SYNE2: variants seen among roughly 807,000 people sequenced by gnomAD.
SYNE2 encodes spectrin repeat containing nuclear envelope protein 2, also known as nesprin-2.
SYNE2 carries 431 observed loss-of-function variants against 856.3 expected under a neutral mutation model. The ratio of observed to expected loss-of-function variants is 0.50; its 90% CI spans 0.47 to 0.55. The LOEUF (loss-of-function observed/expected upper bound fraction) is 0.55, where lower values mean the gene tolerates loss of function less well. Among genes scored for constraint, SYNE2 ranks in the 20% least tolerant of loss-of-function variants. SYNE2 has a pLI of 0.00. For missense variants in SYNE2, 8,129 were observed against 8,023.2 expected, an observed-to-expected ratio of 1.01 and a Z score of -0.50; for synonymous variants, 2,923 against 2,872.3, an observed-to-expected ratio of 1.02 and a Z score of -0.56.
At chr14:63,824,680 G>T (rs1889351873) in intron 1 of SYNE2, among the ~76,000 whole-genome samples, 1 of 150,378 alleles carries the variant, frequency 6.6e-6, no homozygotes. Flanking sequence ...TAATTGGATT[G>T]TTTGAAACAC....
chr14:64,174,067 A>C, intron 94 of SYNE2: 1 of 536,950 alleles, frequency 1.9e-6, no homozygotes. Context: ...TTGTCTCTTA[A>C]ATTTTTTTTT....
At chr14:64,174,070 T>A (rs2098423167) in intron 94 of SYNE2, 3 of 353,010 alleles carry the variant, frequency 8.5e-6, no homozygotes, top group South Asian at 4.7e-5. Context: ...TCTCTTAAAT[T>A]TTTTTTTTTT....
chr14:64,121,667 C>T (rs1251938833), intron 68 of SYNE2, among the ~76,000 whole-genome samples: 1 of 152,234 alleles, frequency 6.6e-6, no homozygotes, highest in African/African-American at 2.4e-5. Context: ...GCTGCTAACA[C>T]TGGGGACACC....
Position 64,031,265 on chromosome 14 carries a change from G to A in SYNE2, c.7129G>A (p.Gly2377Ser). ...TEKKGKFTLPGREKQATSDVQ... is the reference protein window; with the variant it reads ...TEKKGKFTLPSREKQATSDVQ... ...AAAGAAAGGAAAGTTTACTCTGCCA[G>A]GCAGAGAGAAGCAGGCCACTTCTGA... The change falls in exon 45 of 116, where the codon GGC (glycine) becomes AGC (serine). Residue 2377 changes from glycine (G) to serine (S), a missense_variant. By Grantham distance (56) the Gly-to-Ser change is moderately conservative. Transcript: ENST00000555002. 6.2e-7 allele frequency: 1 copy of A among 1,614,156 alleles called. No homozygotes were observed. Among genetic ancestry groups the A allele is most frequent in the Non-Finnish European group, 8.5e-7 (1 of 1,180,036 alleles).
Position 64,002,708 on chromosome 14 carries a change from T to A in SYNE2, c.3787-12T>A, listed in dbSNP as rs1321975749. 5 of 1,610,584 alleles carry A rather than the reference T, an allele frequency of 3.1e-6. No homozygotes were observed. In the Admixed American group the frequency reaches 6.7e-5, roughly 22 times the overall value. ...CACCTCAGTGTTTTAGCTTTTCTTA[T>A]CTTTATTTTAGAATATCCAAGATTC... On this transcript the variant is annotated splice_polypyrimidine_tract_variant and intron_variant, in intron 29 of 115. Coordinates refer to ENST00000555002, the MANE Select transcript of SYNE2 (RefSeq NM_182914.3).
Position 64,056,092 on chromosome 14 carries a change from G to A in SYNE2, c.9893G>A (p.Arg3298Gln), listed in dbSNP as rs770399154. The A allele has an allele frequency of 5.6e-6, 9 of 1,613,930 alleles. No individual in the cohort carries two copies. Among genetic ancestry groups the A allele is most frequent in the South Asian group, 1.1e-5 (1 of 91,076 alleles). ...GAAGAATCTTTAGAGATGCCTCTTC[G>A]AAAACAAGAGGAATTGGAATCCACA... ...NPEESLEMPL[R>Q]KQEELESTVA... The change falls in exon 49 of 116, where the codon CGA becomes CAA. Residue 3298 changes from arginine (R) to glutamine (Q), a missense_variant. Arg to Gln is a conservative substitution (Grantham distance 43). Around this residue, in one of 3 missense-constraint regions of SYNE2, gnomAD observed 5,410 missense variants for 5,284.8 expected, o/e 1.02. Transcript: ENST00000555002.
At chr14:63,804,730 G>A (rs1254245923) in intron 1 of SYNE2, among the ~76,000 whole-genome samples, 1 of 152,182 alleles carries the variant, frequency 6.6e-6, no homozygotes, top group Non-Finnish European at 1.5e-5. Context: ...TCGAACTCAG[G>A]TGATCCGCCC....
intron 8 of SYNE2, among the ~76,000 whole-genome samples, chr14:63,955,739 A>G (rs2096233788): frequency 6.6e-6 from 1 of 152,228 alleles, no homozygotes; most frequent in Non-Finnish European, 1.5e-5. Flanking sequence ...AGGAATATGT[A>G]TTATTTTATA....
intron 1 of SYNE2, among the ~76,000 whole-genome samples, chr14:63,796,450 C>T (rs1016263740): frequency 2.9e-5 from 3 of 103,994 alleles, no homozygotes; most frequent in African/African-American, 9.6e-5. Context: ...GAGCAAGACT[C>T]TGCCTCAAAA....
At chr14:63,862,555 C>A (rs975117629) in intron 1 of SYNE2, among the ~76,000 whole-genome samples, 3 of 152,030 alleles carry the variant, frequency 2.0e-5, no homozygotes, top group Admixed American at 2.0e-4. Context: ...ATACTTGTCA[C>A]TACCGTGAAT....
In SYNE2 at chr14:64,065,506, C is replaced by G; in HGVS notation, c.10287C>G (p.Leu3429=). 2 of 1,614,048 alleles carry G rather than the reference C, an allele frequency of 1.2e-6. No homozygotes were observed. Among genetic ancestry groups the G allele is most frequent in the Non-Finnish European group, 8.5e-7 (1 of 1,180,018 alleles). Reference sequence around the variant, plus strand: ...GACAGATCCTTAGACTCTTGAGACTCAGGTGCACAGAAAATGATGGCATAT... The same window carrying G: ...GACAGATCCTTAGACTCTTGAGACTGAGGTGCACAGAAAATGATGGCATAT... ...KLRQILRLLR[L]RCTENDGICL... The change falls in exon 51 of 116, where the codon CTC becomes CTG. Residue 3429 remains leucine (L), a synonymous_variant. Coordinates refer to ENST00000555002, the MANE Select transcript of SYNE2 (RefSeq NM_182914.3).
intron 1 of SYNE2, among the ~76,000 whole-genome samples, chr14:63,771,845 C>T (rs951901415): frequency 3.3e-5 from 5 of 151,400 alleles, no homozygotes; most frequent in Admixed American, 6.6e-5. Flanking sequence ...TGCAGTGAAC[C>T]GAGATCACGT....
chr14:63,879,843 T>G (rs2094818026), intron 1 of SYNE2, among the ~76,000 whole-genome samples: 1 of 152,166 alleles, frequency 6.6e-6, no homozygotes. Context: ...TGAGCCAAGG[T>G]TATAGTGGGG....
Position 64,020,113 on chromosome 14 carries a change from AG to A in SYNE2, c.5151+21del. The A allele has an allele frequency of 6.5e-7, 1 of 1,538,258 alleles. No individual in the cohort carries two copies. The highest frequency in any genetic ancestry group is 8.9e-7 in the Non-Finnish European group (1 of 1,117,368). On this transcript the variant is annotated intron_variant, in intron 35 of 115. Coordinates refer to ENST00000555002, the MANE Select transcript of SYNE2 (RefSeq NM_182914.3). ...TTGCAGGTAAGAATTTTTATTTAAA[AG>A]TTTCAGTTATTGAGGCTTCAGTAAG...
In SYNE2 at chr14:64,074,937, G is replaced by A. The variant is rs187350882; in HGVS notation, c.10866+801G>A. Among the ~76,000 whole-genome samples, 65 of 152,008 alleles carry A rather than the reference G, an allele frequency of 4.3e-4. No individual in the cohort carries two copies. In the East Asian group the frequency reaches 0.012, roughly 27 times the overall value. On this transcript the variant is annotated intron_variant, in intron 53 of 115. Coordinates refer to ENST00000555002, the MANE Select transcript of SYNE2 (RefSeq NM_182914.3). ...GAACTTTTGGTTATTATATTGGAAA[G>A]TAAAGAAGCAGTCTTCATGGGGAAG...
At chr14:63,872,721 C>G (rs906886589) in intron 1 of SYNE2, among the ~76,000 whole-genome samples, 1 of 134,454 alleles carries the variant, frequency 7.4e-6, no homozygotes, top group African/African-American at 2.8e-5. Context: ...AAGATCACAC[C>G]ACTGTACTCC....
At chr14:63,945,300 C>G (rs1333621579) in intron 6 of SYNE2, among the ~76,000 whole-genome samples, 1 of 152,074 alleles carries the variant, frequency 6.6e-6, no homozygotes, top group Non-Finnish European at 1.5e-5. Context: ...GCCCCAGGTC[C>G]TTCTCCCAAT....
rs558982580 is a variant in SYNE2 at position 63,932,486 on chromosome 14, C to T, written c.80-8128C>T. On this transcript the variant is annotated intron_variant, in intron 2 of 115. Transcript: ENST00000555002. ...CTTTGGGAGCCTCAGGTGGGTGGAT[C>T]GCCTGAGCCCAGGAGTTCAAGACCA... Among the ~76,000 whole-genome samples, 11 of 152,220 alleles carry T rather than the reference C, an allele frequency of 7.2e-5. No individual in the cohort carries two copies. In the East Asian group the frequency reaches 1.5e-3, roughly 21 times the overall value.
At chr14:63,780,756 A>G (rs564078174) in intron 1 of SYNE2, among the ~76,000 whole-genome samples, 3 of 152,302 alleles carry the variant, frequency 2.0e-5, no homozygotes, top group East Asian at 3.9e-4. Flanking sequence ...CCTGAATCTT[A>G]TTACATTGAA....
Sources: gnomAD v4.1 joint callset for allele counts (sites outside exome capture counted in the v4.1 genomes callset) on GRCh38, gnomAD v4.1.1 for gene constraint, gnomAD v4.1.1 regional missense constraint, MANE v1.5 for transcripts, NCBI Gene and HGNC (gene_info 2026-07-23, HGNC 2026-07-21) for gene names.